Variants in CPEB3 observed in about 807,000 individuals in gnomAD.
CPEB3 encodes the protein cytoplasmic polyadenylation element-binding protein 3.
In CPEB3, 20 loss-of-function variants were observed where a neutral mutation model predicts 67.2. The ratio of observed to expected loss-of-function variants is 0.30; its 90% CI spans 0.21 to 0.43. The LOEUF (loss-of-function observed/expected upper bound fraction) is 0.43. Ranked by LOEUF, CPEB3 falls within the 20% of genes least tolerant of loss-of-function variation. The pLI, the probability that CPEB3 is intolerant of heterozygous loss-of-function variation, is 1.00. For missense variants in CPEB3, 746 were observed against 968.6 expected, an observed-to-expected ratio of 0.77 and a Z score of 3.05; for synonymous variants, 376 against 393.1, an observed-to-expected ratio of 0.96 and a Z score of 0.51.
intron 1 of CPEB3, among the ~76,000 whole-genome samples, chr10:92,267,514 G>T (rs563396305): frequency 6.6e-6 from 1 of 152,324 alleles, no homozygotes; most frequent in Admixed American, 6.5e-5. Context: ...TTTTAAGTGT[G>T]ATGGGAATCC....
Position 92,239,814 on chromosome 10 carries a change from C to T in CPEB3, c.537G>A (p.Ala179=), listed in dbSNP as rs1184910020. Residue 179 remains alanine, a synonymous_variant, in exon 2 of 10, where the codon GCG becomes GCA. Transcript: ENST00000265997. The surrounding 1 kb of genome is among the most constrained non-coding windows in gnomAD (Gnocchi z 6.0). The stretch of plus-strand genomic sequence containing the variant: ...GCGGGGGCTGCGCCTGTGGTGGCTG[C>T]GCTGGCTGTGCCGGCTGCGGCGCGG... ...PAPAPQPAQP[A]QPPQAQPPQQ... is the part of the protein sequence containing the mutation. The T allele has an allele frequency of 6.9e-7, 1 of 1,443,228 alleles. No homozygotes were observed. Among genetic ancestry groups the T allele is most frequent in the African/African-American group, 1.5e-5 (1 of 67,798 alleles). 89.4% of individuals were successfully genotyped at this position (1,443,228 alleles called of 1,614,324 possible).
chr10:92,196,703 G>T (rs911424886), intron 2 of CPEB3, among the ~76,000 whole-genome samples: 1 of 151,948 alleles, frequency 6.6e-6, no homozygotes, highest in African/African-American at 2.4e-5. Flanking sequence ...GGGAGGCGGA[G>T]GTTGCAGTGA....
chr10:92,185,917 A>T (rs1848666686), intron 3 of CPEB3, among the ~76,000 whole-genome samples: 1 of 152,202 alleles, frequency 6.6e-6, no homozygotes, highest in Non-Finnish European at 1.5e-5. Context: ...AATATTCTAA[A>T]TATGTTCCAA....
At chr10:92,086,693 C>T (rs140578001) in intron 8 of CPEB3, among the ~76,000 whole-genome samples, 199 of 152,278 alleles carry the variant, frequency 1.3e-3, no homozygotes, top group Middle Eastern at 6.8e-3. Context: ...GTTCTTGCCC[C>T]TCTCCCACCC....
chr10:92,133,504 C>A (rs1278697720), intron 6 of CPEB3, among the ~76,000 whole-genome samples: 1 of 152,108 alleles, frequency 6.6e-6, no homozygotes, highest in African/African-American at 2.4e-5. Flanking sequence ...CAATAACAGG[C>A]TCTGAAATTG....
At chr10:92,240,641 G>A (rs908906832) in intron 1 of CPEB3, among the ~76,000 whole-genome samples, 1 of 152,174 alleles carries the variant, frequency 6.6e-6, no homozygotes, top group African/African-American at 2.4e-5. Context: ...TTATAAGACA[G>A]AAAAGACAGC....
chr10:92,164,592 A>G (rs1847649009), intron 4 of CPEB3, among the ~76,000 whole-genome samples: 1 of 152,198 alleles, frequency 6.6e-6, no homozygotes, highest in Non-Finnish European at 1.5e-5. Context: ...TGTTTTTGAG[A>G]TTAATTCATG....
intron 1 of CPEB3, among the ~76,000 whole-genome samples, chr10:92,259,549 C>T (rs1364292816): frequency 7.9e-5 from 12 of 151,314 alleles, no homozygotes; most frequent in Admixed American, 7.3e-4. Context: ...TGCAGTGAGC[C>T]GAGATCGTGC....
At chr10:92,142,762 T>C (rs1227993904) in intron 6 of CPEB3, among the ~76,000 whole-genome samples, 1 of 152,132 alleles carries the variant, frequency 6.6e-6, no homozygotes, top group Non-Finnish European at 1.5e-5. Context: ...CCTTTCAAAA[T>C]AATGAAAATT....
At chr10:92,244,054 A>G (rs1055740197) in intron 1 of CPEB3, among the ~76,000 whole-genome samples, 1 of 152,174 alleles carries the variant, frequency 6.6e-6, no homozygotes, top group African/African-American at 2.4e-5. Context: ...TTTAAAAACA[A>G]TTGTATATGT....
chr10:92,113,729 T>C (rs1416792948), intron 6 of CPEB3, among the ~76,000 whole-genome samples: 1 of 152,174 alleles, frequency 6.6e-6, no homozygotes, highest in Non-Finnish European at 1.5e-5. Flanking sequence ...TGCATTGACC[T>C]TGGGCATCCA....
chr10:92,291,195 A>G (rs1036970542), upstream of CPEB3: 23 of 505,608 alleles, frequency 4.5e-5, no homozygotes, highest in Non-Finnish European at 6.6e-5. Context: ...CTCCGCCGGC[A>G]GCAACTCGGC....
chr10:92,143,257 C>T (rs1846524718), intron 5 of CPEB3, 139 bp from the exon 6 acceptor site: 1 of 560,536 alleles, frequency 1.8e-6, no homozygotes, highest in African/African-American at 1.9e-5. Context: ...GGAAGTGAAA[C>T]CTACTAAGTG....
intron 1 of CPEB3, among the ~76,000 whole-genome samples, chr10:92,279,775 GTGGAT>G: frequency 6.6e-6 from 1 of 152,176 alleles, no homozygotes; most frequent in Non-Finnish European, 1.5e-5. Context: ...GCCAAGATGG[GTGGAT>G]CGCTCGATCT....
At chr10:92,250,172 C>T (rs1340600647) in intron 1 of CPEB3, among the ~76,000 whole-genome samples, 1 of 151,678 alleles carries the variant, frequency 6.6e-6, no homozygotes. Flanking sequence ...ACTGCCAGCT[C>T]GGCCTCCTGG....
rs1462832527 is a variant in CPEB3 at position 92,240,131 on chromosome 10, C to T, written c.220G>A (p.Glu74Lys). ...CTCAAGCCTGGCAGGAGCGGTGATTCCATCTGCATCTTGTCCGGGCCGTTG... is the reference window on the plus strand; with the variant it reads ...CTCAAGCCTGGCAGGAGCGGTGATTTCATCTGCATCTTGTCCGGGCCGTTG... ...APNGPDKMQMESPLLPGLSFH... is the reference protein window; with the variant it reads ...APNGPDKMQMKSPLLPGLSFH... Residue 74 changes from glutamate to lysine, a missense_variant, in exon 2 of 10, where the codon GAA (glutamate) becomes AAA (lysine). By Grantham distance (56) the Glu-to-Lys change is moderately conservative. Coordinates refer to ENST00000265997, the MANE Select transcript of CPEB3 (RefSeq NM_014912.5). The T allele has an allele frequency of 1.9e-6, 3 of 1,571,540 alleles. No individual in the cohort carries two copies. The highest frequency in any genetic ancestry group is 2.7e-5 in the African/African-American group (2 of 74,038).
intron 1 of CPEB3, among the ~76,000 whole-genome samples, chr10:92,264,690 T>C (rs1403990262): frequency 1.4e-5 from 2 of 143,304 alleles, no homozygotes; most frequent in East Asian, 2.1e-4. Flanking sequence ...CACTCCAGCC[T>C]GGGTGACAGA....
chr10:92,189,722 T>C (rs1848869276), intron 3 of CPEB3, among the ~76,000 whole-genome samples: 1 of 146,832 alleles, frequency 6.8e-6, no homozygotes, highest in Non-Finnish European at 1.5e-5. Context: ...TTTTTTTTTT[T>C]TTTGAGACAG....
At chr10:92,135,029 A>G (rs1846024672) in intron 6 of CPEB3, among the ~76,000 whole-genome samples, 1 of 152,236 alleles carries the variant, frequency 6.6e-6, no homozygotes, top group Non-Finnish European at 1.5e-5. Context: ...TGGATTAAAG[A>G]CTTAAATGTT....
Sources: allele counts gnomAD v4.1 joint callset (sites outside exome capture counted in the v4.1 genomes callset), GRCh38; gene constraint gnomAD v4.1.1; non-coding constraint Gnocchi (gnomAD v3.1); transcripts MANE v1.5; gene names NCBI Gene and HGNC (gene_info 2026-07-23, HGNC 2026-07-21).